Variants in SEC14L1 observed in about 807,000 individuals in gnomAD.
SEC14L1 encodes the protein SEC14-like protein 1.
In SEC14L1, 48 loss-of-function variants were observed where a neutral mutation model predicts 85.3. That is an observed-to-expected ratio of 0.56 (90% CI 0.45 to 0.72). The LOEUF (loss-of-function observed/expected upper bound fraction) is 0.72, where lower values mean the gene tolerates loss of function less well. Among genes scored for constraint, SEC14L1 ranks in the 30% least tolerant of loss-of-function variants. The pLI, the probability that SEC14L1 is intolerant of heterozygous loss-of-function variation, is 0.00. For synonymous variants in SEC14L1, 391 were observed against 355.5 expected (o/e 1.10, Z -1.12); for missense variants, 682 against 921.4 (o/e 0.74, Z 3.36).
chr17:77,165,648 G>T (rs771758183), intron 3 of SEC14L1, among the ~76,000 whole-genome samples: 2 of 152,084 alleles, frequency 1.3e-5, no homozygotes, highest in Non-Finnish European at 2.9e-5. Context: ...TATTCCCAGT[G>T]CCTGAACTGA....
At chr17:77,187,771 C>A (rs1341589906) in intron 3 of SEC14L1, among the ~76,000 whole-genome samples, 3 of 143,564 alleles carry the variant, frequency 2.1e-5, no homozygotes, top group Non-Finnish European at 4.5e-5. Flanking sequence ...CAGGGTCTTA[C>A]TCTTACTCTG....
upstream of SEC14L1, among the ~76,000 whole-genome samples, chr17:77,139,865 C>T (rs565606202): frequency 1.3e-5 from 2 of 152,046 alleles, no homozygotes; most frequent in South Asian, 2.1e-4. Context: ...TGTAGGTGAC[C>T]CAGCTGGAAG....
chr17:77,164,234 A>G (rs1974192579), intron 3 of SEC14L1, among the ~76,000 whole-genome samples: 1 of 152,188 alleles, frequency 6.6e-6, no homozygotes, highest in African/African-American at 2.4e-5. Context: ...GCCCACCTGG[A>G]GGCCATCAGC....
In SEC14L1 at chr17:77,205,266, T is replaced by C. The variant is rs764104880; in HGVS notation, c.1099-10T>C. 1 of 1,612,520 alleles carries C rather than the reference T, an allele frequency of 6.2e-7. No individual in the cohort carries two copies. The highest frequency in any genetic ancestry group is 8.5e-7 in the Non-Finnish European group (1 of 1,178,942). ...AATCATGGTAAATTTTCATGCCCTT[T>C]TGTATGTAGGTTCTCTCCATAAATG... is the stretch of plus-strand genomic sequence containing the variant. On this transcript the variant is annotated splice_polypyrimidine_tract_variant and intron_variant, in intron 10 of 16. Transcript: ENST00000436233.
intron 3 of SEC14L1, among the ~76,000 whole-genome samples, chr17:77,115,032 G>C (rs962271953): frequency 7.2e-5 from 11 of 152,158 alleles, no homozygotes; most frequent in African/African-American, 2.7e-4. Flanking sequence ...TCCTGCTGCT[G>C]CCTGCCTCTG....
At chr17:77,107,997 G>A (rs1971955379) in intron 3 of SEC14L1, among the ~76,000 whole-genome samples, 2 of 151,970 alleles carry the variant, frequency 1.3e-5, no homozygotes, top group African/African-American at 2.4e-5. Flanking sequence ...TCTCACCTCC[G>A]CCTCCCAAAG....
At position 77,214,014 on chromosome 17, in the gene SEC14L1, C is replaced by A; in HGVS notation, c.2139C>A (p.Ile713=). ...GCCAGTCCCACTCCAGCTCCATGATCTCCAGGTAGTGCCGCGCTGCCTGCA... is the reference window on the plus strand; with the variant it reads ...GCCAGTCCCACTCCAGCTCCATGATATCCAGGTAGTGCCGCGCTGCCTGCA... ...SSSQSHSSSM[I]SR Residue 713 remains isoleucine (I), a synonymous_variant, in exon 17 of 17, where the codon ATC becomes ATA. Coordinates refer to ENST00000436233, the MANE Select transcript of SEC14L1 (RefSeq NM_001143998.2). The A allele has an allele frequency of 6.2e-7, 1 of 1,612,718 alleles. No homozygotes were observed.
At chr17:77,149,193 A>T (rs1308770724) in intron 3 of SEC14L1, among the ~76,000 whole-genome samples, 3 of 152,050 alleles carry the variant, frequency 2.0e-5, no homozygotes, top group African/African-American at 7.2e-5. Context: ...TTGCAATGGG[A>T]GTTTCTTTAT....
chr17:77,209,235 C>T, intron 13 of SEC14L1, 107 bp from the exon 14 acceptor site: 1 of 1,358,076 alleles, frequency 7.4e-7, no homozygotes, highest in South Asian at 1.4e-5. Flanking sequence ...ATTTTCTCAG[C>T]AACCTCCAGA....
chr17:77,142,169 A>C (rs952341527), intron 1 of SEC14L1, among the ~76,000 whole-genome samples: 1 of 152,140 alleles, frequency 6.6e-6, no homozygotes, highest in African/African-American at 2.4e-5. Flanking sequence ...GTCATTCCTT[A>C]GCCGTTTTCA....
chr17:77,186,950 T>C (rs1187347780), intron 3 of SEC14L1, among the ~76,000 whole-genome samples: 2 of 152,234 alleles, frequency 1.3e-5, no homozygotes, highest in African/African-American at 4.8e-5. Flanking sequence ...TAATTTAAGA[T>C]GGGAATTCAC....
Position 77,214,478 on chromosome 17 carries a change from G to A in SEC14L1, c.*455G>A, listed in dbSNP as rs934725030. On this transcript the variant is annotated 3_prime_UTR_variant, in exon 17 of 17. Transcript: ENST00000436233. ...CAAGCTGCCTCATGGCCCGCACGCC[G>A]CCTCACGGCCCCCATGCTTCCCGCC... is the stretch of plus-strand genomic sequence containing the variant. The A allele has an allele frequency of 2.0e-5, 20 of 1,001,004 alleles. No homozygotes were observed. The highest frequency in any genetic ancestry group is 8.5e-5 in the South Asian group (2 of 23,662). 62.0% of individuals were successfully genotyped at this position (1,001,004 alleles called of 1,614,324 possible). A position where few individuals can be genotyped will look rare whatever the true frequency, so the allele number is the denominator to read the frequency against.
chr17:77,113,653 C>T (rs577719795), intron 3 of SEC14L1, among the ~76,000 whole-genome samples: 1 of 152,074 alleles, frequency 6.6e-6, no homozygotes, highest in South Asian at 2.1e-4. Flanking sequence ...GGCTGAGGCA[C>T]GAGAATTGCT....
chr17:77,100,526 T>G (rs781219578), intron 3 of SEC14L1, among the ~76,000 whole-genome samples: 31 of 138,572 alleles, frequency 2.2e-4, no homozygotes, highest in Non-Finnish European at 3.5e-4. Flanking sequence ...AACCTCTGCC[T>G]CCTGGGTTCA....
At chr17:77,118,334 G>T (rs1031304399) in intron 3 of SEC14L1, among the ~76,000 whole-genome samples, 2 of 152,252 alleles carry the variant, frequency 1.3e-5, no homozygotes, top group Admixed American at 1.3e-4. Context: ...TCCCAGTCAG[G>T]TCCCTTCGGA....
intron 3 of SEC14L1, among the ~76,000 whole-genome samples, chr17:77,120,407 T>C (rs954549312): frequency 6.6e-6 from 1 of 151,654 alleles, no homozygotes; most frequent in African/African-American, 2.4e-5. Flanking sequence ...TGTGTCTGCG[T>C]GTTCTACTCC....
At chr17:77,202,247 A>G (rs1408437650) in intron 9 of SEC14L1, among the ~76,000 whole-genome samples, 1 of 152,138 alleles carries the variant, frequency 6.6e-6, no homozygotes, top group African/African-American at 2.4e-5. Context: ...GCATTTTGGG[A>G]GGCCAAGGCA....
chr17:77,209,070 G>C (rs561056292), intron 13 of SEC14L1, among the ~76,000 whole-genome samples: 1 of 152,186 alleles, frequency 6.6e-6, no homozygotes, highest in Non-Finnish European at 1.5e-5. Context: ...TTTAGTAACT[G>C]GGTGCAGTGC....
chr17:77,137,331 T>C (rs1005483444), upstream of SEC14L1, among the ~76,000 whole-genome samples: 4 of 152,046 alleles, frequency 2.6e-5, no homozygotes, highest in Non-Finnish European at 5.9e-5. Flanking sequence ...TCAGGGAGCT[T>C]TTAGTCTTGG....
Sources: gnomAD v4.1 joint callset for allele counts (sites outside exome capture counted in the v4.1 genomes callset) on GRCh38, gnomAD v4.1.1 for gene constraint, MANE v1.5 for transcripts, NCBI Gene and HGNC (gene_info 2026-07-23, HGNC 2026-07-21) for gene names.